DPP10: variants seen among roughly 807,000 people sequenced by gnomAD.
The protein encoded by DPP10 is dipeptidyl peptidase like 10, also known as inactive dipeptidyl peptidase 10.
In DPP10, 33 loss-of-function variants were observed where a neutral mutation model predicts 120.9. The observed-to-expected ratio is 0.27, with a 90% CI of 0.21 to 0.37. The LOEUF is 0.37. DPP10 is among the 10% of genes least tolerant of loss of function. DPP10 has a pLI of 1.00. For synonymous variants in DPP10, 337 were observed against 326.1 expected (o/e 1.03, Z -0.36); for missense variants, 816 against 942.8 (o/e 0.87, Z 1.76).
intron 5 of DPP10, among the ~76,000 whole-genome samples, chr2:115,657,338 C>CT (rs2088462376): frequency 6.6e-6 from 1 of 151,770 alleles, no homozygotes; most frequent in Non-Finnish European, 1.5e-5. Context: ...TCATTTAAAA[C>CT]TTACACTGTC....
At chr2:114,876,861 G>C (rs1691203187) in intron 1 of DPP10, among the ~76,000 whole-genome samples, 1 of 152,174 alleles carries the variant, frequency 6.6e-6, no homozygotes, top group Admixed American at 6.6e-5. Flanking sequence ...AAAGTGTAGG[G>C]TATCTTGTTC....
chr2:115,558,647 A>T (rs921287280), intron 5 of DPP10, among the ~76,000 whole-genome samples: 5 of 152,202 alleles, frequency 3.3e-5, no homozygotes, highest in African/African-American at 1.2e-4. Flanking sequence ...AGTATATTCT[A>T]CTTAAGTGGA....
chr2:114,966,057 A>T (rs914444314), intron 1 of DPP10, among the ~76,000 whole-genome samples: 2 of 151,916 alleles, frequency 1.3e-5, no homozygotes, highest in African/African-American at 4.8e-5. Flanking sequence ...TCAAATAATT[A>T]GGACAGTTAG....
chr2:115,765,869 A>G (rs1036311831), intron 12 of DPP10, among the ~76,000 whole-genome samples: 1 of 152,116 alleles, frequency 6.6e-6, no homozygotes, highest in African/African-American at 2.4e-5. Flanking sequence ...ATTATCTCAG[A>G]GTTTTAAATT....
chr2:115,673,289 T>C (rs1168486036), intron 5 of DPP10, among the ~76,000 whole-genome samples: 1 of 152,172 alleles, frequency 6.6e-6, no homozygotes, highest in Admixed American at 6.5e-5. Context: ...TCAGGATGAG[T>C]TAATCACTTT....
chr2:114,682,228 T>C (rs1368441776), intron 1 of DPP10, among the ~76,000 whole-genome samples: 2 of 151,924 alleles, frequency 1.3e-5, no homozygotes, highest in Non-Finnish European at 2.9e-5. Flanking sequence ...CAGAACTGTT[T>C]TTCTGTGTAG....
intron 2 of DPP10, among the ~76,000 whole-genome samples, chr2:115,336,791 A>G (rs1387085447): frequency 2.0e-5 from 3 of 152,028 alleles, no homozygotes; most frequent in Non-Finnish European, 4.4e-5. Context: ...AATTAATAAT[A>G]TTTTGAAAGA....
intron 3 of DPP10, among the ~76,000 whole-genome samples, chr2:115,413,680 T>G (rs1248239259): frequency 6.6e-6 from 1 of 152,198 alleles, no homozygotes; most frequent in East Asian, 1.9e-4. Flanking sequence ...ATGAATGAAG[T>G]GCTGATTAGG....
chr2:115,468,187 T>A, intron 3 of DPP10: 2 of 493,098 alleles, frequency 4.1e-6, no homozygotes, highest in South Asian at 3.0e-5. Flanking sequence ...GGAAAAGTGA[T>A]GGCATCTATA....
At chr2:114,667,771 G>A (rs1698039269) in intron 1 of DPP10, among the ~76,000 whole-genome samples, 1 of 152,152 alleles carries the variant, frequency 6.6e-6, no homozygotes, top group Admixed American at 6.5e-5. Flanking sequence ...TAAATTGTGT[G>A]AGTGCTAATA....
intron 1 of DPP10, among the ~76,000 whole-genome samples, chr2:115,139,724 T>TAAAAAAAAAAAA (rs55826687): frequency 3.9e-4 from 22 of 56,634 alleles, no homozygotes; most frequent in East Asian, 7.0e-4. Flanking sequence ...GTAAAAATAC[T>TAAAAAAAAAAAA]AAAAAAAAAA....
chr2:114,452,227 T>A (rs1485808318), intron 1 of DPP10, among the ~76,000 whole-genome samples: 1 of 152,120 alleles, frequency 6.6e-6, no homozygotes, highest in Non-Finnish European at 1.5e-5. Context: ...TTGTGTATAA[T>A]CTCGAAGAAT....
intron 1 of DPP10, among the ~76,000 whole-genome samples, chr2:115,033,961 A>G (rs1704042127): frequency 7.5e-6 from 1 of 132,910 alleles, no homozygotes; most frequent in South Asian, 2.3e-4. Flanking sequence ...GCAGTGGTGC[A>G]ATCTTGGCTT....
At chr2:115,340,058 G>T (rs572695196) in intron 2 of DPP10, among the ~76,000 whole-genome samples, 1 of 152,288 alleles carries the variant, frequency 6.6e-6, no homozygotes, top group African/African-American at 2.4e-5. Context: ...AGAGTACACA[G>T]ACTTTCTCTG....
intron 5 of DPP10, among the ~76,000 whole-genome samples, chr2:115,537,646 A>T (rs2078936628): frequency 6.7e-6 from 1 of 150,138 alleles, no homozygotes; most frequent in African/African-American, 2.4e-5. Context: ...TTAGGAAAAT[A>T]CTATGATACT....
At chr2:114,742,266 G>A (rs72959528) in intron 1 of DPP10, among the ~76,000 whole-genome samples, 1,976 of 151,294 alleles carry the variant, frequency 0.013, 53 homozygotes, top group African/African-American at 0.046. Flanking sequence ...ACATAGCACA[G>A]CAAATTGCAA....
At chr2:115,337,919 A>C (rs1349589066) in intron 2 of DPP10, among the ~76,000 whole-genome samples, 1 of 151,964 alleles carries the variant, frequency 6.6e-6, no homozygotes, top group East Asian at 1.9e-4. Context: ...CAAATACATT[A>C]ATTATTAAAT....
chr2:115,397,257 A>G (rs540925471), intron 3 of DPP10, among the ~76,000 whole-genome samples: 1 of 152,308 alleles, frequency 6.6e-6, no homozygotes, highest in Admixed American at 6.5e-5. Context: ...AACAAATCTG[A>G]CTGGACTAAT....
chr2:114,794,610 G>A (rs866345194), intron 1 of DPP10, among the ~76,000 whole-genome samples: 1 of 152,296 alleles, frequency 6.6e-6, no homozygotes, highest in Middle Eastern at 3.4e-3. Context: ...CAGGCAAAGT[G>A]TGTCTTTGTC....
Sources: allele counts gnomAD v4.1 joint callset (sites outside exome capture counted in the v4.1 genomes callset), GRCh38; gene constraint gnomAD v4.1.1; transcripts MANE v1.5; gene names NCBI Gene and HGNC (gene_info 2026-07-23, HGNC 2026-07-21).